Variants in GRK2 observed in about 807,000 individuals in gnomAD.
GRK2 encodes adrenergic beta receptor kinase 1.
A neutral mutation model predicts 97.8 loss-of-function variants in GRK2; 23 were observed. The ratio of observed to expected loss-of-function variants is 0.24; its 90% CI spans 0.17 to 0.33. The LOEUF is 0.33. Among genes scored for constraint, GRK2 ranks in the 10% least tolerant of loss-of-function variants. GRK2 has a pLI of 1.00. For missense variants in GRK2, 633 were observed against 956.9 expected (o/e 0.66, Z 4.47); for synonymous variants, 425 against 381.7 (o/e 1.11, Z -1.32).
In GRK2 at chr11:67,281,019, TGCTGCCCAGGTGCCTCTGCCCCAGG is replaced by T; in HGVS notation, c.556-69_556-45del. On this transcript the variant is annotated intron_variant, in intron 7 of 20. Transcript: ENST00000308595. The surrounding 1 kb of genome is among the most constrained non-coding windows in gnomAD (Gnocchi z 5.7). The stretch of plus-strand genomic sequence containing the variant: ...GGGACCCTGGCATGGGGCCAGCCCC[TGCTGCCCAGGTGCCTCTGCCCCAGG>T]GCTGGGCAGAGGCAGCCTGTGGTGA... 1 of 1,367,564 alleles carries T rather than the reference TGCTGCCCAGGTGCCTCTGCCCCAGG, an allele frequency of 7.3e-7. No individual in the cohort carries two copies. Among genetic ancestry groups the T allele is most frequent in the East Asian group, 2.3e-5 (1 of 43,512 alleles). 84.7% of individuals were successfully genotyped at this position (1,367,564 alleles called of 1,614,324 possible).
At position 67,284,996 on chromosome 11, in the gene GRK2, T is replaced by A. The variant is rs1460840209; in HGVS notation, c.1791+13T>A. 1 of 1,612,198 alleles carries A rather than the reference T, an allele frequency of 6.2e-7. No individual in the cohort carries two copies. ...GGGCGAGGCCCCGGTAAGGAGCCCGTGCGGGGGTCCGGGAGCCGGGCTTCC... is the reference window on the plus strand; with the variant it reads ...GGGCGAGGCCCCGGTAAGGAGCCCGAGCGGGGGTCCGGGAGCCGGGCTTCC... On this transcript the variant is annotated intron_variant, in intron 19 of 20. Coordinates refer to ENST00000308595, the MANE Select transcript of GRK2 (RefSeq NM_001619.5).
chr11:67,274,490 A>T, intron 1 of GRK2, among the ~76,000 whole-genome samples: 1 of 30,646 alleles, frequency 3.3e-5, no homozygotes, highest in Non-Finnish European at 1.0e-4. Flanking sequence ...CCGCTTGACC[A>T]GCACCTTTTT....
rs774501975 is a variant in GRK2, at chr11:67,269,620, C to T, written c.113+2808C>T. On this transcript the variant is annotated intron_variant, in intron 1 of 20. Coordinates refer to ENST00000308595, the MANE Select transcript of GRK2 (RefSeq NM_001619.5). The surrounding 1 kb of genome is among the most constrained non-coding windows in gnomAD (Gnocchi z 4.1). ...AGCTGCCGTGGCAAAGCTACTGCACCGAGGGGCAGCCCCACTCCAGGGTCC... is the reference window on the plus strand; with the variant it reads ...AGCTGCCGTGGCAAAGCTACTGCACTGAGGGGCAGCCCCACTCCAGGGTCC... Among the ~76,000 whole-genome samples, 2 of 152,182 alleles carry T rather than the reference C, an allele frequency of 1.3e-5. No homozygotes were observed. Among genetic ancestry groups the T allele is most frequent in the African/African-American group, 2.4e-5 (1 of 41,434 alleles).
chr11:67,282,315 G>T lies in GRK2; in HGVS notation c.1002G>T (p.Ser334=). The T allele has an allele frequency of 6.2e-7, 1 of 1,613,496 alleles. No individual in the cohort carries two copies. Among genetic ancestry groups the T allele is most frequent in the South Asian group, 1.1e-5 (1 of 91,084 alleles). ...ACGAGCATGGCCACGTGCGGATCTCGGACCTGGGCCTGGCCTGTGACTTCT... is the reference window on the plus strand; with the variant it reads ...ACGAGCATGGCCACGTGCGGATCTCTGACCTGGGCCTGGCCTGTGACTTCT... ...LLDEHGHVRI[S]DLGLACDFSK... The change falls in exon 12 of 21, where the codon TCG becomes TCT. Residue 334 remains serine, a synonymous_variant. Coordinates refer to ENST00000308595, the MANE Select transcript of GRK2 (RefSeq NM_001619.5). The surrounding 1 kb of genome is among the most constrained non-coding windows in gnomAD (Gnocchi z 6.9).
rs748718690 is a variant in GRK2, at chr11:67,282,779, C to A, written c.1188C>A (p.Thr396=). 2.5e-6 allele frequency: 4 copies of A among 1,611,098 alleles called. No individual in the cohort carries two copies. In the African/African-American group the frequency reaches 4.0e-5, roughly 16 times the overall value. ...ACAGCCCCTTCCGGCAGCACAAGACCAAAGACAAGCATGAGATCGACCGCA... is the reference window on the plus strand; with the variant it reads ...ACAGCCCCTTCCGGCAGCACAAGACAAAAGACAAGCATGAGATCGACCGCA... ...RGHSPFRQHK[T]KDKHEIDRMT... is the part of the protein sequence containing the mutation. Residue 396 remains threonine, a synonymous_variant, in exon 14 of 21, where the codon ACC becomes ACA. Transcript: ENST00000308595. The surrounding 1 kb of genome is among the most constrained non-coding windows in gnomAD (Gnocchi z 6.9).
chr11:67,274,650 G>A (rs757455996), intron 1 of GRK2, among the ~76,000 whole-genome samples: 2 of 151,474 alleles, frequency 1.3e-5, no homozygotes, highest in African/African-American at 2.4e-5. Context: ...CCTGAGGGTC[G>A]CCCAGGGCCC....
chr11:67,278,362 G>T (rs755617210), intron 2 of GRK2, among the ~76,000 whole-genome samples: 1 of 152,122 alleles, frequency 6.6e-6, no homozygotes, highest in African/African-American at 2.4e-5. Flanking sequence ...CTCGGGGGCC[G>T]GGGTCCAGGG....
intron 6 of GRK2, 83 bp downstream of exon 6, chr11:67,279,983 C>G: frequency 2.8e-6 from 4 of 1,419,004 alleles, no homozygotes; most frequent in Non-Finnish European, 4.0e-6. Context: ...AGGGCAGAAG[C>G]CAGCCTTCAT....
chr11:67,280,577 A>T, intron 6 of GRK2, 155 bp from the exon 7 acceptor site: 2 of 896,108 alleles, frequency 2.2e-6, no homozygotes, highest in Non-Finnish European at 3.6e-6. Context: ...CAGGCCCTCA[A>T]CATATCCTTC....
At chr11:67,280,659 G>A (rs1860128123) in intron 6 of GRK2, 73 bp from the exon 7 acceptor site, 1 of 1,563,806 alleles carries the variant, frequency 6.4e-7, no homozygotes, top group African/African-American at 1.4e-5. Flanking sequence ...TGGCGGCTGG[G>A]TGGGGAGGCT....
chr11:67,274,524 C>CTTTTTTTTTTTTTTTTTTTTTTTTTTTTT (rs1590848179), intron 1 of GRK2, among the ~76,000 whole-genome samples: 281 of 55,016 alleles, frequency 5.1e-3, no homozygotes, highest in Non-Finnish European at 6.2e-3. Flanking sequence ...TTTTTTTTTG[C>CTTTTTTTTTTTTTTTTTTTTTTTTTTTTT]TTTTTTTCAT....
At chr11:67,271,255 TCTG>T (rs1277389541) in intron 1 of GRK2, among the ~76,000 whole-genome samples, 2 of 152,242 alleles carry the variant, frequency 1.3e-5, no homozygotes, top group Non-Finnish European at 2.9e-5. Context: ...TTATTTCTAC[TCTG>T]CTGCAACTGA....
rs367808517 is a variant in GRK2, at chr11:67,279,448, G to A, written c.295G>A (p.Glu99Lys). 1.3e-5 allele frequency: 21 copies of A among 1,613,240 alleles called. No homozygotes were observed. The African/African-American group carries it at 2.5e-4, about 19-fold the overall frequency. ...GAAGTACGAGAAGCTGGAGACGGAGGAGGAGCGTGTGGCCCGCAGCCGGGA... is the reference window on the plus strand; with the variant it reads ...GAAGTACGAGAAGCTGGAGACGGAGAAGGAGCGTGTGGCCCGCAGCCGGGA... ...IKKYEKLETE[E>K]ERVARSREIF... Residue 99 changes from glutamate to lysine, a missense_variant, in exon 4 of 21, where the codon GAG (glutamate) becomes AAG (lysine). Glu to Lys is a moderately conservative substitution (Grantham distance 56). This residue lies in a region of GRK2 where 193 missense variants were observed against 212.2 expected (regional missense o/e 0.91). Coordinates refer to ENST00000308595, the MANE Select transcript of GRK2 (RefSeq NM_001619.5).
chr11:67,268,529 C>G (rs1859843470), intron 1 of GRK2, among the ~76,000 whole-genome samples: 1 of 152,146 alleles, frequency 6.6e-6, no homozygotes, highest in Admixed American at 6.5e-5. Context: ...AAACGGCTCT[C>G]CTTGGTGGCT....
At chr11:67,280,977 G>GTC in intron 7 of GRK2, 116 bp from the exon 8 acceptor site, 1 of 1,128,406 alleles carries the variant, frequency 8.9e-7, no homozygotes, top group Non-Finnish European at 1.3e-6. Flanking sequence ...GGCAAGGATG[G>GTC]CCAGGACATG....
rs1015303156 is a variant in GRK2 at position 67,269,099 on chromosome 11, G to A, written c.113+2287G>A. ...GGGCTACTGGCCACCCCTACATGGG[G>A]GTCCAGGCCTGGGGCATTAGGGAGC... On this transcript the variant is annotated intron_variant, in intron 1 of 20. Coordinates refer to ENST00000308595, the MANE Select transcript of GRK2 (RefSeq NM_001619.5). The surrounding 1 kb of genome is among the most constrained non-coding windows in gnomAD (Gnocchi z 4.1). Among the ~76,000 whole-genome samples, 5 of 152,228 alleles carry A rather than the reference G, an allele frequency of 3.3e-5. No homozygotes were observed. Among genetic ancestry groups the A allele is most frequent in the Non-Finnish European group, 7.3e-5 (5 of 68,032 alleles).
chr11:67,283,349 G>C, intron 15 of GRK2, 121 bp downstream of exon 15: 1 of 879,558 alleles, frequency 1.1e-6, no homozygotes. Context: ...CATAAGTTGG[G>C]GCATGGCCAG....
Position 67,281,274 on chromosome 11 carries a change from C to T in GRK2, c.647+90C>T. On this transcript the variant is annotated intron_variant, in intron 8 of 20. Transcript: ENST00000308595. The surrounding 1 kb of genome is among the most constrained non-coding windows in gnomAD (Gnocchi z 5.7). Reference sequence around the variant, plus strand: ...GCCGGGTTCCACACAGGGCCACCTGCTGCTCCATGCACTCCTGTCTTGCCG... The same window carrying T: ...GCCGGGTTCCACACAGGGCCACCTGTTGCTCCATGCACTCCTGTCTTGCCG... The T allele has an allele frequency of 8.2e-7, 1 of 1,212,412 alleles. No individual in the cohort carries two copies. Among genetic ancestry groups the T allele is most frequent in the South Asian group, 1.3e-5 (1 of 75,804 alleles). The allele number at this position is 1,212,412 out of a possible 1,614,324, so 75.1% of individuals were successfully genotyped here. A position where few individuals can be genotyped will look rare whatever the true frequency, so the allele number is the denominator to read the frequency against.
intron 1 of GRK2, among the ~76,000 whole-genome samples, chr11:67,273,810 C>G (rs1409934632): frequency 2.6e-5 from 4 of 152,166 alleles, no homozygotes; most frequent in Non-Finnish European, 5.9e-5. Context: ...GCCCCGGGTC[C>G]TGCTTCCTGC....
Sources: allele counts gnomAD v4.1 joint callset (sites outside exome capture counted in the v4.1 genomes callset), GRCh38; gene constraint gnomAD v4.1.1; regional missense constraint gnomAD v4.1.1; non-coding constraint Gnocchi (gnomAD v3.1); transcripts MANE v1.5; gene names NCBI Gene and HGNC (gene_info 2026-07-23, HGNC 2026-07-21).